The following STARD9 variants were observed in gnomAD, a reference collection of about 807,000 sequenced individuals.
The protein encoded by STARD9 is stAR-related lipid transfer protein 9.
Under a neutral mutation model 399.8 loss-of-function variants are expected in STARD9, and 346 were observed. The observed-to-expected ratio is 0.87, with a 90% CI of 0.79 to 0.95. The LOEUF (loss-of-function observed/expected upper bound fraction) is 0.95. Ranked by LOEUF, STARD9 falls within the 40% of genes least tolerant of loss-of-function variation. The pLI is 0.00. For synonymous variants in STARD9, 2,203 were observed against 2,143.5 expected, an observed-to-expected ratio of 1.03 and a Z score of -0.77; for missense variants, 5,832 against 5,667.5, an observed-to-expected ratio of 1.03 and a Z score of -0.93.
chr15:42,592,374 T>C (rs1403314023), intron 3 of STARD9, among the ~76,000 whole-genome samples: 2 of 152,178 alleles, frequency 1.3e-5, no homozygotes, highest in Non-Finnish European at 2.9e-5. Context: ...GTTGGAGATC[T>C]CTATAGTACC....
At chr15:42,604,995 A>G (rs1366200267) in intron 3 of STARD9, among the ~76,000 whole-genome samples, 2 of 152,096 alleles carry the variant, frequency 1.3e-5, no homozygotes, top group Non-Finnish European at 2.9e-5. Context: ...TGAGAAGGAC[A>G]TTTCTTCTTA....
At position 42,652,550 on chromosome 15, in the gene STARD9, C is replaced by T. The variant is rs1206410526; in HGVS notation, c.660C>T (p.Ala220=). The T allele has an allele frequency of 6.5e-7, 1 of 1,537,522 alleles. No individual in the cohort carries two copies. The change falls in exon 9 of 33, where the codon GCC becomes GCT. Residue 220 remains alanine (A), a synonymous_variant. Transcript: ENST00000290607. ...CAGCAGCCACCCATGTTCATGAGGC[C>T]AGCAGCAGATCCCACGCCATTTTCA... The part of the protein sequence containing the change: ...RITAATHVHE[A]SSRSHAIFTI...
intron 13 of STARD9, 70 bp from the exon 14 acceptor site, chr15:42,665,183 T>G (rs567471526): frequency 7.9e-7 from 1 of 1,266,410 alleles, no homozygotes; most frequent in African/African-American, 1.5e-5. Flanking sequence ...CCCAGCCAAT[T>G]GCAACTAGCA....
intron 18 of STARD9, chr15:42,675,428 G>A (rs2060289999): frequency 1.9e-6 from 1 of 534,476 alleles, no homozygotes; most frequent in Non-Finnish European, 3.3e-6. Flanking sequence ...AGTGTTCCCT[G>A]ACTACTCCAC....
At chr15:42,664,320 CT>C (rs1296110501) in intron 13 of STARD9, among the ~76,000 whole-genome samples, 2 of 152,012 alleles carry the variant, frequency 1.3e-5, no homozygotes, top group Non-Finnish European at 1.5e-5. Flanking sequence ...TTTGTGTTTA[CT>C]GCTTTTATTT....
Position 42,663,830 on chromosome 15 carries a change from T to C in STARD9, c.1089T>C (p.Pro363=). 2 of 1,536,402 alleles carry C rather than the reference T, an allele frequency of 1.3e-6. No homozygotes were observed. The highest frequency in any genetic ancestry group is 8.7e-7 in the Non-Finnish European group (1 of 1,146,116). Residue 363 remains proline, a synonymous_variant, in exon 13 of 33, where the codon CCT becomes CCC. Transcript: ENST00000290607. ...CTCCTTCTACCTCAGCGGTGTCTCC[T>C]GCACACACTAGCTACAGTGAGACCA... ...SKTIMVATVS[P]AHTSYSETMS...
At position 42,690,798 on chromosome 15, in the gene STARD9, G is replaced by A; in HGVS notation, c.9220G>A (p.Ala3074Thr). The change falls in exon 23 of 33, where the codon GCT becomes ACT. Residue 3074 changes from alanine (A) to threonine (T), a missense_variant. Transcript: ENST00000290607. ...DVRTGSFSHS[A>T]TDGSVGLIGV... is the part of the protein sequence containing the mutation. The stretch of plus-strand genomic sequence containing the variant: ...GAGGACAGGTTCCTTCAGCCACTCA[G>A]CTACTGATGGAAGCGTGGGGTTAAT... The A allele has an allele frequency of 6.5e-7, 1 of 1,537,260 alleles. No individual in the cohort carries two copies. The highest frequency in any genetic ancestry group is 8.7e-7 in the Non-Finnish European group (1 of 1,146,914).
chr15:42,620,726 CCTTTT>C (rs1022159620), intron 3 of STARD9, among the ~76,000 whole-genome samples: 7 of 130,256 alleles, frequency 5.4e-5, no homozygotes, highest in African/African-American at 1.5e-4. Context: ...GTAGAATGTC[CCTTTT>C]ATTTTATTTT....
Position 42,687,500 on chromosome 15 carries a change from G to GA in STARD9, c.5927dup (p.Asn1976LysfsTer2), listed in dbSNP as rs2060588923. On this transcript the variant is annotated frameshift_variant, in exon 23 of 33. Transcript: ENST00000290607. LOFTEE classifies it high-confidence loss of function. The stretch of plus-strand genomic sequence containing the variant: ...GTGGCCCAACCCCTAAGTGGGAAGG[G>GA]AAAAATGAAACTGGGCTTCTTGAAA... 1 of 1,536,980 alleles carries GA rather than the reference G, an allele frequency of 6.5e-7. No homozygotes were observed. Among genetic ancestry groups the GA allele is most frequent in the African/African-American group, 1.4e-5 (1 of 73,044 alleles).
intron 26 of STARD9, among the ~76,000 whole-genome samples, chr15:42,711,833 A>G (rs779117798): frequency 6.6e-6 from 1 of 150,530 alleles, no homozygotes; most frequent in Non-Finnish European, 1.5e-5. Flanking sequence ...TCTCTTGGGT[A>G]TGTATCTAGA....
intron 1 of STARD9, among the ~76,000 whole-genome samples, chr15:42,576,148 T>G (rs2058051682): frequency 6.6e-6 from 1 of 152,040 alleles, no homozygotes; most frequent in East Asian, 1.9e-4. Context: ...TGAGGCTGAA[T>G]GGTGTGTGTT....
chr15:42,600,526 C>CTT (rs796979908), intron 3 of STARD9, among the ~76,000 whole-genome samples: 107 of 139,514 alleles, frequency 7.7e-4, no homozygotes, highest in African/African-American at 2.6e-3. Context: ...TTCTTTCTTT[C>CTT]TTTTTTTTTT....
chr15:42,607,488 C>T (rs559398037), intron 3 of STARD9, among the ~76,000 whole-genome samples: 6 of 151,984 alleles, frequency 3.9e-5, no homozygotes, highest in African/African-American at 1.2e-4. Context: ...CAGGTGTGAG[C>T]CACTGTGCCC....
intron 9 of STARD9, among the ~76,000 whole-genome samples, chr15:42,658,669 G>A (rs1222524595): frequency 6.6e-6 from 1 of 151,444 alleles, no homozygotes; most frequent in Non-Finnish European, 1.5e-5. Flanking sequence ...TTTTAGTAGA[G>A]ACGGGGTTTC....
chr15:42,615,931 A>G (rs940842059), intron 3 of STARD9, among the ~76,000 whole-genome samples: 1 of 152,192 alleles, frequency 6.6e-6, no homozygotes, highest in Non-Finnish European at 1.5e-5. Flanking sequence ...TAAAACAAAG[A>G]CCACAAAAAT....
In STARD9 at chr15:42,686,047, A is replaced by T. The variant is rs559447218; in HGVS notation, c.4469A>T (p.Lys1490Met). Residue 1490 changes from lysine (K) to methionine (M), a missense_variant, in exon 23 of 33, where the codon AAG (lysine) becomes ATG (methionine). Physicochemically the swap from Lys to Met is moderately conservative, Grantham distance 95. Transcript: ENST00000290607. Reference protein sequence around the residue: ...HERDWSALQQKYLLELSCPVL... With the variant: ...HERDWSALQQMYLLELSCPVL... ...AGGGATTGGTCTGCCCTTCAGCAGAAGTACCTCCTTGAACTCTCTTGTCCT... is the reference window on the plus strand; with the variant it reads ...AGGGATTGGTCTGCCCTTCAGCAGATGTACCTCCTTGAACTCTCTTGTCCT... The T allele has an allele frequency of 1.5e-4, 237 of 1,537,270 alleles. 2 individuals are homozygous for T. In the South Asian group the frequency reaches 2.3e-3, roughly 15 times the overall value.
Position 42,693,704 on chromosome 15 carries a change from C to G in STARD9, c.12126C>G (p.Cys4042Trp). The change falls in exon 23 of 33, where the codon TGC (cysteine) becomes TGG (tryptophan). Residue 4042 changes from cysteine (C) to tryptophan (W), a missense_variant. Cys to Trp is a radical substitution (Grantham distance 215). Around this residue, in one of 2 missense-constraint regions of STARD9, gnomAD observed 5,828 missense variants for 5,651.1 expected, o/e 1.03. Transcript: ENST00000290607. ...VPEKVASPEH[C>W]PLSGREPSQW... Reference sequence around the variant, plus strand: ...AGAAGGTGGCTTCCCCGGAGCATTGCCCACTGAGCGGTAGGGAGCCAAGTC... The same window carrying G: ...AGAAGGTGGCTTCCCCGGAGCATTGGCCACTGAGCGGTAGGGAGCCAAGTC... The G allele has an allele frequency of 2.0e-6, 3 of 1,537,126 alleles. No homozygotes were observed. Among genetic ancestry groups the G allele is most frequent in the Middle Eastern group, 1.7e-4 (1 of 5,990 alleles).
At chr15:42,669,384 AG>A (rs992985342) in intron 16 of STARD9, 47 bp downstream of exon 16, 1 of 1,449,070 alleles carries the variant, frequency 6.9e-7, no homozygotes, top group African/African-American at 1.4e-5. Context: ...CTGGTTCCAG[AG>A]GTCAAGGAGG....
chr15:42,594,808 T>C (rs1250899936), intron 3 of STARD9, among the ~76,000 whole-genome samples: 1 of 152,188 alleles, frequency 6.6e-6, no homozygotes. Context: ...TCTTTAGATC[T>C]AACCTGTCCC....
Sources: allele counts gnomAD v4.1 joint callset (sites outside exome capture counted in the v4.1 genomes callset), GRCh38; gene constraint gnomAD v4.1.1; regional missense constraint gnomAD v4.1.1; transcripts MANE v1.5; gene names NCBI Gene and HGNC (gene_info 2026-07-23, HGNC 2026-07-21).